TAFA1: variants seen among roughly 807,000 people sequenced by gnomAD.
The protein encoded by TAFA1 is TAFA chemokine like family member 1.
TAFA1 carries 4 observed loss-of-function variants against 18.5 expected under a neutral mutation model. The ratio of observed to expected loss-of-function variants is 0.22; its 90% confidence interval spans 0.11 to 0.49. TAFA1 has a LOEUF of 0.49. TAFA1 is among the 20% of genes least tolerant of loss of function. The probability of loss-of-function intolerance (pLI) is 0.98; values close to 1 mark genes in which losing one functional copy is unlikely to be tolerated. For synonymous variants in TAFA1, 56 were observed against 55.2 expected, an observed-to-expected ratio of 1.01 and a Z score of -0.06; for missense variants, 147 against 169.0, an observed-to-expected ratio of 0.87 and a Z score of 0.72.
intron 3 of TAFA1, among the ~76,000 whole-genome samples, chr3:68,498,400 A>G (rs2072590044): frequency 7.0e-6 from 1 of 143,492 alleles, no homozygotes; most frequent in Non-Finnish European, 1.6e-5. Context: ...AGGGTTATAA[A>G]TCAGAGATTA....
At chr3:68,130,675 G>A (rs920474271) in intron 2 of TAFA1, among the ~76,000 whole-genome samples, 5 of 151,780 alleles carry the variant, frequency 3.3e-5, no homozygotes, top group South Asian at 2.1e-4. Flanking sequence ...CTCATCTTAC[G>A]TTCCCCTCCT....
intron 2 of TAFA1, among the ~76,000 whole-genome samples, chr3:68,255,935 T>A (rs1467206924): frequency 2.0e-5 from 3 of 152,128 alleles, no homozygotes; most frequent in African/African-American, 7.2e-5. Context: ...TTACTGATAA[T>A]TTGTGAATGA....
intron 2 of TAFA1, among the ~76,000 whole-genome samples, chr3:68,165,062 T>C (rs1333430025): frequency 3.9e-5 from 6 of 152,310 alleles, no homozygotes; most frequent in Non-Finnish European, 5.9e-5. Flanking sequence ...AAGGATAAAG[T>C]TCAGGCCAAG....
intron 3 of TAFA1, among the ~76,000 whole-genome samples, chr3:68,530,535 TA>T (rs2073174129): frequency 6.6e-6 from 1 of 152,204 alleles, no homozygotes. Context: ...GAGCAAGTCC[TA>T]GAACCCCAGG....
chr3:68,013,642 G>C (rs1363687156), intron 2 of TAFA1, among the ~76,000 whole-genome samples: 3 of 152,130 alleles, frequency 2.0e-5, no homozygotes, highest in Non-Finnish European at 4.4e-5. Flanking sequence ...GTAGCAGAGA[G>C]AAAATAACAC....
At chr3:68,378,905 T>G (rs1559641620) in intron 2 of TAFA1, among the ~76,000 whole-genome samples, 1 of 152,204 alleles carries the variant, frequency 6.6e-6, no homozygotes. Context: ...CTGCCACGTT[T>G]CTAAGTTTCC....
chr3:68,046,414 A>T (rs1186631586), intron 2 of TAFA1, among the ~76,000 whole-genome samples: 2 of 152,150 alleles, frequency 1.3e-5, no homozygotes, highest in African/African-American at 4.8e-5. Context: ...TTATTAAAAA[A>T]TTTTTCCATG....
intron 2 of TAFA1, among the ~76,000 whole-genome samples, chr3:68,316,879 G>A (rs943473047): frequency 2.0e-5 from 3 of 152,116 alleles, no homozygotes; most frequent in African/African-American, 7.2e-5. Flanking sequence ...ACAGCATAAT[G>A]AATAAATATT....
Position 68,101,365 on chromosome 3 carries a change from A to G in TAFA1, c.118+94621A>G, listed in dbSNP as rs554164162. Among the ~76,000 whole-genome samples the G allele has an allele frequency of 4.1e-3, 617 of 152,120 alleles. 2 individuals are homozygous for G. The highest frequency in any genetic ancestry group is 7.9e-3 in the Admixed American group (121 of 15,268). ...TGTGCACAACGTGCAGGCTTGTTAC[A>G]TATGTATACATGTGCCATGTTGGTG... On this transcript the variant is annotated intron_variant, in intron 2 of 4. Coordinates refer to ENST00000478136, the MANE Select transcript of TAFA1 (RefSeq NM_213609.4).
chr3:68,022,428 G>C (rs1704710670), intron 2 of TAFA1, among the ~76,000 whole-genome samples: 1 of 152,020 alleles, frequency 6.6e-6, no homozygotes, highest in African/African-American at 2.4e-5. Context: ...ATGGCCCCTG[G>C]GTAACTCCAA....
At position 68,191,206 on chromosome 3, in the gene TAFA1, A is replaced by G. The variant is rs764058296; in HGVS notation, c.118+184462A>G. On this transcript the variant is annotated intron_variant, in intron 2 of 4. Coordinates refer to ENST00000478136, the MANE Select transcript of TAFA1 (RefSeq NM_213609.4). ...TTAAATTCTGTGGTAAACACATTAT[A>G]ATATATATTTTTTCTTTGTGGTACT... Among the ~76,000 whole-genome samples the G allele has an allele frequency of 2.8e-4, 43 of 151,838 alleles. 1 individual carries two copies. The highest frequency in any genetic ancestry group is 2.1e-4 in the South Asian group (1 of 4,826).
intron 3 of TAFA1, among the ~76,000 whole-genome samples, chr3:68,536,728 T>A (rs78229129): frequency 6.6e-6 from 1 of 152,206 alleles, no homozygotes; most frequent in Non-Finnish European, 1.5e-5. Context: ...TCAGAAAATG[T>A]GTGCTGTAAA....
intron 2 of TAFA1, among the ~76,000 whole-genome samples, chr3:68,180,470 C>T (rs988456251): frequency 6.6e-6 from 1 of 152,104 alleles, no homozygotes. Flanking sequence ...CACCTGCAGG[C>T]AATTTTTGTT....
intron 2 of TAFA1, among the ~76,000 whole-genome samples, chr3:68,362,697 G>C (rs2106796790): frequency 6.6e-6 from 1 of 152,122 alleles, no homozygotes; most frequent in East Asian, 1.9e-4. Context: ...TCTAAGAAGG[G>C]GCTACGTAAC....
intron 2 of TAFA1, among the ~76,000 whole-genome samples, chr3:68,183,895 T>C (rs1197193395): frequency 1.3e-5 from 2 of 152,168 alleles, no homozygotes; most frequent in East Asian, 3.9e-4. Context: ...TACTATATAA[T>C]GCCATGTGCT....
chr3:68,331,956 C>G (rs6763516), intron 2 of TAFA1, among the ~76,000 whole-genome samples: 7 of 148,676 alleles, frequency 4.7e-5, no homozygotes, highest in Non-Finnish European at 1.0e-4. Context: ...CTCTGCCTCC[C>G]GGGTTCACGC....
intron 2 of TAFA1, among the ~76,000 whole-genome samples, chr3:68,130,409 T>G (rs2065522236): frequency 6.6e-6 from 1 of 152,134 alleles, no homozygotes. Flanking sequence ...TTTATTTCCA[T>G]TTTTGCTGCT....
intron 2 of TAFA1, among the ~76,000 whole-genome samples, chr3:68,203,490 T>C (rs2066490941): frequency 6.6e-6 from 1 of 151,688 alleles, no homozygotes. Context: ...AACCAGACAT[T>C]ATGTACTGGG....
intron 4 of TAFA1, among the ~76,000 whole-genome samples, chr3:68,541,153 G>C (rs936508564): frequency 1.3e-5 from 2 of 152,238 alleles, no homozygotes; most frequent in Admixed American, 6.5e-5. Flanking sequence ...TCAGTCAGCT[G>C]AGAATTCTCA....
Sources: allele counts gnomAD v4.1 joint callset (sites outside exome capture counted in the v4.1 genomes callset), GRCh38; gene constraint gnomAD v4.1.1; transcripts MANE v1.5; gene names NCBI Gene and HGNC (gene_info 2026-07-23, HGNC 2026-07-21).